Variants in MOBP observed in about 807,000 individuals in gnomAD.
The protein encoded by MOBP is myelin-associated oligodendrocyte basic protein.
MOBP carries 5 observed loss-of-function variants against 15.0 expected under a neutral mutation model. The observed-to-expected ratio is 0.33, with a 90% CI of 0.17 to 0.70. The LOEUF is 0.70. MOBP is among the 30% of genes least tolerant of loss of function. MOBP has a pLI of 0.67. For synonymous variants in MOBP, 88 were observed against 99.0 expected, an observed-to-expected ratio of 0.89 and a Z score of 0.66; for missense variants, 188 against 257.8, an observed-to-expected ratio of 0.73 and a Z score of 1.85.
downstream of MOBP, chr3:39,503,074 C>A: frequency 2.0e-6 from 1 of 503,884 alleles, no homozygotes; most frequent in Non-Finnish European, 3.4e-6. Flanking sequence ...TTGGTGCATA[C>A]TTCAGGTGGC....
chr3:39,486,266 G>A (rs1216882610), intron 2 of MOBP, among the ~76,000 whole-genome samples: 1 of 152,032 alleles, frequency 6.6e-6, no homozygotes, highest in Non-Finnish European at 1.5e-5. Context: ...TGCAAAACGG[G>A]GCTATTATGA....
chr3:39,470,254 A>G (rs2042450745), intron 1 of MOBP, among the ~76,000 whole-genome samples: 1 of 152,228 alleles, frequency 6.6e-6, no homozygotes, highest in Admixed American at 6.5e-5. Context: ...ACTGAACTAC[A>G]GACCACACCC....
At chr3:39,524,329 A>G (rs1276456917) in intron 4 of MOBP, 1 of 152,182 alleles carries the variant, frequency 6.6e-6, no homozygotes, top group Non-Finnish European at 1.5e-5. Context: ...CTTCCACGGT[A>G]AGTAAATTGT....
intron 1 of MOBP, 122 bp from the exon 2 acceptor site, chr3:39,479,918 C>T (rs201017629): frequency 3.3e-5 from 5 of 150,458 alleles, no homozygotes; most frequent in East Asian, 3.9e-4. Flanking sequence ...CTAGATCAAA[C>T]GTCATAATCC....
downstream of MOBP, chr3:39,525,993 G>T (rs1158381627): frequency 1.3e-5 from 2 of 152,272 alleles, no homozygotes; most frequent in Non-Finnish European, 2.9e-5. Context: ...CCAATGATGG[G>T]ATATCTGAGG....
intron 1 of MOBP, among the ~76,000 whole-genome samples, chr3:39,477,489 A>G (rs1362017775): frequency 1.3e-5 from 2 of 152,034 alleles, no homozygotes; most frequent in African/African-American, 2.4e-5. Context: ...ATAAAAGTAC[A>G]GCACATACAA....
chr3:39,480,472 A>G (rs512923), intron 2 of MOBP, among the ~76,000 whole-genome samples: 2 of 152,100 alleles, frequency 1.3e-5, no homozygotes, highest in Admixed American at 6.5e-5. Flanking sequence ...GAGCCCTTCC[A>G]TCTTTTTGTG....
intron 4 of MOBP, among the ~76,000 whole-genome samples, chr3:39,510,590 T>G (rs964200100): frequency 1.3e-5 from 2 of 152,190 alleles, no homozygotes; most frequent in African/African-American, 4.8e-5. Flanking sequence ...TCTTTTTCAA[T>G]TTTGATTTCT....
chr3:39,495,917 GAA>G (rs1337786363), intron 2 of MOBP, among the ~76,000 whole-genome samples: 1 of 151,652 alleles, frequency 6.6e-6, no homozygotes, highest in Non-Finnish European at 1.5e-5. Flanking sequence ...AAAAATGAGA[GAA>G]GATACAAATA....
At chr3:39,487,496 C>T (rs1237083132) in intron 2 of MOBP, among the ~76,000 whole-genome samples, 1 of 145,764 alleles carries the variant, frequency 6.9e-6, no homozygotes, top group Non-Finnish European at 1.5e-5. Flanking sequence ...AAAGTCCTGT[C>T]ATTCTTTTCA....
chr3:39,502,379 T>G lies in MOBP; in HGVS notation c.206+104T>G. On this transcript the variant is annotated intron_variant, in intron 3 of 3. Coordinates refer to ENST00000684792, the MANE Select transcript of MOBP (RefSeq NM_001393704.1). The surrounding 1 kb of genome is among the most constrained non-coding windows in gnomAD (Gnocchi z 6.3). ...CACCCCACTCTTCCCCCTAGTCGGC[T>G]CCGGGTTAGGCTCCGACACCGGAAG... 1 of 1,556,212 alleles carries G rather than the reference T, an allele frequency of 6.4e-7. No individual in the cohort carries two copies. The highest frequency in any genetic ancestry group is 8.7e-7 in the Non-Finnish European group (1 of 1,153,384).
At chr3:39,500,602 G>A (rs1708063) in intron 2 of MOBP, among the ~76,000 whole-genome samples, 14,255 of 152,124 alleles carry the variant, frequency 0.094, 1,022 homozygotes, top group East Asian at 0.19. Context: ...ATTTTTCCTT[G>A]GGAGGAAAGG....
At chr3:39,485,831 T>A (rs2042699034) in intron 2 of MOBP, among the ~76,000 whole-genome samples, 1 of 152,242 alleles carries the variant, frequency 6.6e-6, no homozygotes, top group Non-Finnish European at 1.5e-5. Flanking sequence ...CGATGCTTCC[T>A]TACTGTCCTT....
At chr3:39,506,790 A>G (rs893619405), downstream of MOBP, among the ~76,000 whole-genome samples, 12 of 152,214 alleles carry the variant, frequency 7.9e-5, no homozygotes, top group African/African-American at 2.9e-4. Flanking sequence ...GGTAAGGGCA[A>G]GGGGTTATGG....
intron 2 of MOBP, among the ~76,000 whole-genome samples, chr3:39,497,356 CT>C: frequency 6.6e-6 from 1 of 152,362 alleles, no homozygotes; most frequent in East Asian, 1.9e-4. Flanking sequence ...GTTTCCCCAA[CT>C]TTCAGTCTTT....
At chr3:39,488,811 C>T (rs2042753124) in intron 2 of MOBP, among the ~76,000 whole-genome samples, 2 of 152,126 alleles carry the variant, frequency 1.3e-5, no homozygotes, top group Admixed American at 1.3e-4. Flanking sequence ...CTCTAAAATC[C>T]ACCTCCACTG....
At chr3:39,524,204 A>G (rs1324426595) in intron 3 of MOBP, 5 of 152,194 alleles carry the variant, frequency 3.3e-5, no homozygotes, top group Non-Finnish European at 5.9e-5. Flanking sequence ...GAACAGCTGC[A>G]TATAGAATTG....
intron 2 of MOBP, chr3:39,499,974 T>C (rs1040625460): frequency 6.6e-6 from 3 of 455,010 alleles, no homozygotes; most frequent in Non-Finnish European, 1.3e-5. Context: ...CTGTGGACTT[T>C]TCATGCCATT....
exon 5 of MOBP, chr3:39,513,518 A>G: frequency 1.5e-6 from 2 of 1,291,290 alleles, no homozygotes; most frequent in Non-Finnish European, 2.2e-6. Flanking sequence ...GGCTTCAAAT[A>G]TTATGCAGGG....
Sources: gnomAD v4.1 joint callset for allele counts (sites outside exome capture counted in the v4.1 genomes callset) on GRCh38, gnomAD v4.1.1 for gene constraint, Gnocchi (gnomAD v3.1) non-coding constraint, MANE v1.5 for transcripts, NCBI Gene and HGNC (gene_info 2026-07-23, HGNC 2026-07-21) for gene names.